NTM: variants seen among roughly 807,000 people sequenced by gnomAD.
The protein encoded by NTM is IgLON family member 2.
NTM carries 13 observed loss-of-function variants against 42.1 expected under a neutral mutation model. The ratio of observed to expected loss-of-function variants is 0.31; its 90% confidence interval spans 0.20 to 0.49. The LOEUF (loss-of-function observed/expected upper bound fraction) is 0.49, where lower values mean the gene tolerates loss of function less well. Ranked by LOEUF, NTM falls within the 20% of genes least tolerant of loss-of-function variation. The pLI is 0.99. For synonymous variants in NTM, 187 were observed against 179.2 expected (o/e 1.04, Z -0.35); for missense variants, 373 against 452.8 (o/e 0.82, Z 1.60).
At chr11:131,676,971 G>T (rs901366858) in intron 1 of NTM, among the ~76,000 whole-genome samples, 3 of 151,358 alleles carry the variant, frequency 2.0e-5, no homozygotes, top group Admixed American at 6.6e-5. Flanking sequence ...GAGCAGTGCT[G>T]TTGCCTTTGT....
intron 2 of NTM, among the ~76,000 whole-genome samples, chr11:132,051,846 C>T (rs2078901239): frequency 6.6e-6 from 1 of 152,312 alleles, no homozygotes; most frequent in East Asian, 1.9e-4. Context: ...GTGGAGAATG[C>T]ATCAAAGCTG....
chr11:131,803,741 C>T (rs1363189890), intron 1 of NTM, among the ~76,000 whole-genome samples: 3 of 152,242 alleles, frequency 2.0e-5, no homozygotes, highest in Non-Finnish European at 2.9e-5. Context: ...CAGATTTTGA[C>T]CTTCCTGCCT....
At chr11:131,614,872 C>A (rs1007337033) in intron 1 of NTM, among the ~76,000 whole-genome samples, 2 of 152,208 alleles carry the variant, frequency 1.3e-5, no homozygotes, top group Non-Finnish European at 2.9e-5. Context: ...ACGTGACCAG[C>A]AGCACTGGCC....
At chr11:132,304,343 T>A (rs1468506866) in intron 4 of NTM, among the ~76,000 whole-genome samples, 3 of 151,914 alleles carry the variant, frequency 2.0e-5, no homozygotes. Flanking sequence ...TTATATCAAG[T>A]GGTTTGCCTC....
At chr11:131,778,581 C>G (rs2087482418) in intron 1 of NTM, among the ~76,000 whole-genome samples, 1 of 152,140 alleles carries the variant, frequency 6.6e-6, no homozygotes, top group Non-Finnish European at 1.5e-5. Context: ...ATTACAAGTT[C>G]CTCAGATTCT....
intron 1 of NTM, among the ~76,000 whole-genome samples, chr11:131,648,937 G>T (rs1025026558): frequency 2.6e-5 from 4 of 152,152 alleles, no homozygotes; most frequent in African/African-American, 9.7e-5. Context: ...ACCACCCAGG[G>T]TTACATGAAT....
At chr11:131,386,922 C>T (rs1302986863) in intron 1 of NTM, among the ~76,000 whole-genome samples, 1 of 152,208 alleles carries the variant, frequency 6.6e-6, no homozygotes, top group Non-Finnish European at 1.5e-5. Context: ...GAGCTCACCA[C>T]TTACTCCTTT....
chr11:132,205,808 G>A (rs567208667), intron 3 of NTM, among the ~76,000 whole-genome samples: 4 of 152,196 alleles, frequency 2.6e-5, no homozygotes, highest in East Asian at 1.9e-4. Context: ...CCAGACCTCC[G>A]ATCCTCTGAT....
Position 131,859,142 on chromosome 11 carries a change from C to T in NTM, c.83-52422C>T, listed in dbSNP as rs192567102. Among the ~76,000 whole-genome samples the T allele has an allele frequency of 4.7e-4, 71 of 152,324 alleles. 1 individual carries two copies. Among genetic ancestry groups the T allele is most frequent in the African/African-American group, 1.6e-3 (68 of 41,572 alleles). On this transcript the variant is annotated intron_variant, in intron 1 of 8. Coordinates refer to ENST00000683400, the MANE Select transcript of NTM (RefSeq NM_001352005.2). ...TCTGTCCGTCTGTCCGTCCATTCAT[C>T]CGAGAGACACATCGGGTGTCTTCCT... is the stretch of plus-strand genomic sequence containing the variant.
intron 1 of NTM, among the ~76,000 whole-genome samples, chr11:131,557,279 C>T (rs1048096903): frequency 2.0e-5 from 3 of 151,918 alleles, no homozygotes; most frequent in South Asian, 2.1e-4. Context: ...GTAAGCTGGT[C>T]AGAGGAATGA....
At chr11:131,554,039 A>G (rs1240975498) in intron 1 of NTM, among the ~76,000 whole-genome samples, 4 of 152,180 alleles carry the variant, frequency 2.6e-5, no homozygotes, top group African/African-American at 9.7e-5. Flanking sequence ...ACCAGATCAA[A>G]TGAATCTTCC....
At chr11:131,916,699 A>G (rs2056442441) in intron 2 of NTM, among the ~76,000 whole-genome samples, 1 of 152,202 alleles carries the variant, frequency 6.6e-6, no homozygotes, top group African/African-American at 2.4e-5. Flanking sequence ...GCTACTCCAC[A>G]GCCTCTTAAG....
At chr11:131,773,524 G>C (rs187416456) in intron 1 of NTM, among the ~76,000 whole-genome samples, 1,560 of 152,156 alleles carry the variant, frequency 0.01, 15 homozygotes, top group Non-Finnish European at 0.018. Flanking sequence ...ATCATTAATG[G>C]CCCCCATATA....
chr11:131,493,558 C>A (rs1251456712), intron 1 of NTM, among the ~76,000 whole-genome samples: 1 of 152,146 alleles, frequency 6.6e-6, no homozygotes, highest in Non-Finnish European at 1.5e-5. Flanking sequence ...ACCACAACAA[C>A]AGTGCTGATA....
At chr11:131,940,216 G>A (rs2059648243) in intron 2 of NTM, among the ~76,000 whole-genome samples, 1 of 152,116 alleles carries the variant, frequency 6.6e-6, no homozygotes, top group Non-Finnish European at 1.5e-5. Flanking sequence ...CCCCAGGATT[G>A]TGGTTTCTTA....
chr11:132,175,219 T>C (rs1020001882), intron 3 of NTM, among the ~76,000 whole-genome samples: 3 of 152,114 alleles, frequency 2.0e-5, no homozygotes, highest in African/African-American at 7.2e-5. Context: ...GGAGGGAGCA[T>C]GCTCTCTCCA....
chr11:132,156,259 C>T (rs2073167429), intron 3 of NTM, among the ~76,000 whole-genome samples: 1 of 152,172 alleles, frequency 6.6e-6, no homozygotes, highest in Admixed American at 6.5e-5. Context: ...CATGCCATGT[C>T]CTGCCTCACT....
rs117923540 is a variant in NTM at position 132,245,981 on chromosome 11, A to G, written c.526+33834A>G. Reference sequence around the variant, plus strand: ...CAGGATCTTTTCTCCCCGGGCGGCCACGTGCCCCTGTCCTATAGGGGTTTG... The same window carrying G: ...CAGGATCTTTTCTCCCCGGGCGGCCGCGTGCCCCTGTCCTATAGGGGTTTG... On this transcript the variant is annotated intron_variant, in intron 4 of 8. Transcript: ENST00000683400. Among the ~76,000 whole-genome samples, 455 of 152,280 alleles carry G rather than the reference A, an allele frequency of 3.0e-3. 1 individual carries two copies. The highest frequency in any genetic ancestry group is 4.7e-3 in the Non-Finnish European group (317 of 68,028).
At chr11:132,206,828 T>A (rs1592221100) in intron 3 of NTM, among the ~76,000 whole-genome samples, 1 of 152,350 alleles carries the variant, frequency 6.6e-6, no homozygotes, top group East Asian at 1.9e-4. Context: ...TCTGGAACTC[T>A]CTCTAGCTGT....
Sources: gnomAD v4.1 joint callset for allele counts (sites outside exome capture counted in the v4.1 genomes callset) on GRCh38, gnomAD v4.1.1 for gene constraint, MANE v1.5 for transcripts, NCBI Gene and HGNC (gene_info 2026-07-23, HGNC 2026-07-21) for gene names.